KL: variants seen among roughly 807,000 people sequenced by gnomAD.
KL encodes alpha-klotho.
A neutral mutation model predicts 84.2 loss-of-function variants in KL; 62 were observed. The ratio of observed to expected loss-of-function variants is 0.74; its 90% CI spans 0.60 to 0.91. The LOEUF (loss-of-function observed/expected upper bound fraction) is 0.91. KL is among the 40% of genes least tolerant of loss of function. KL has a pLI of 0.00. For synonymous variants in KL, 528 were observed against 528.0 expected (o/e 1.00, Z 0.00); for missense variants, 1,261 against 1,305.7 (o/e 0.97, Z 0.53).
At position 33,017,005 on chromosome 13, in the gene KL, G is replaced by A; in HGVS notation, c.565G>A (p.Val189Ile). The change falls in exon 1 of 5, where the codon GTC becomes ATC. Residue 189 changes from valine (V) to isoleucine (I), a missense_variant. By Grantham distance (29) the Val-to-Ile change is conservative. Coordinates refer to ENST00000380099, the MANE Select transcript of KL (RefSeq NM_004795.4). ...GCGGGAGCTGGGCGTGCAGCCCGTG[G>A]TCACCCTGTACCACTGGGACCTGCC... ...RLRELGVQPVVTLYHWDLPQR... is the reference protein window; with the variant it reads ...RLRELGVQPVITLYHWDLPQR... 6.3e-7 allele frequency: 1 copy of A among 1,594,182 alleles called. No homozygotes were observed. Among genetic ancestry groups the A allele is most frequent in the Non-Finnish European group, 8.5e-7 (1 of 1,174,008 alleles).
chr13:33,051,262 G>A (rs1200672876), intron 1 of KL, among the ~76,000 whole-genome samples: 6 of 152,146 alleles, frequency 3.9e-5, no homozygotes, highest in Admixed American at 6.5e-5. Flanking sequence ...GGCCAGGTGC[G>A]GTGGCTCATG....
intron 1 of KL, among the ~76,000 whole-genome samples, chr13:33,019,212 G>A (rs191968965): frequency 6.6e-6 from 1 of 151,518 alleles, no homozygotes; most frequent in East Asian, 2.0e-4. Context: ...ATTTAGAAGC[G>A]AGTTCCCATT....
intron 1 of KL, among the ~76,000 whole-genome samples, chr13:33,026,250 C>A (rs1360214490): frequency 1.3e-5 from 2 of 152,092 alleles, no homozygotes; most frequent in African/African-American, 4.8e-5. Context: ...ACTGGATTTG[C>A]CCAGCCAAAC....
Position 33,061,286 on chromosome 13 carries a change from A to G in KL, c.2207A>G (p.Glu736Gly), listed in dbSNP as rs374838873. Residue 736 changes from glutamate (E) to glycine (G), a missense_variant, in exon 4 of 5, where the codon GAA becomes GGA. Coordinates refer to ENST00000380099, the MANE Select transcript of KL (RefSeq NM_004795.4). ...ATAGCCTTGCAGGCTGATTGGATAG[A>G]ACCTGCCTGCCCTTTCTCCCAAAAG... ...ISIALQADWIEPACPFSQKDK... is the reference protein window; with the variant it reads ...ISIALQADWIGPACPFSQKDK... 22 of 1,614,124 alleles carry G rather than the reference A, an allele frequency of 1.4e-5. No homozygotes were observed. The African/African-American group carries it at 2.9e-4, about 22-fold the overall frequency.
intron 1 of KL, among the ~76,000 whole-genome samples, chr13:33,027,337 C>G (rs754007004): frequency 2.0e-5 from 3 of 152,156 alleles, no homozygotes; most frequent in Non-Finnish European, 4.4e-5. Context: ...AGTGCTATCT[C>G]TTACTAGGGA....
rs374266144 is a variant in KL, at chr13:33,053,853, G to A, written c.906G>A (p.Trp302Ter). The change falls in exon 2 of 5, where the codon TGG (tryptophan) becomes TGA (stop). Residue 302 changes from tryptophan to a stop codon, truncating the protein, a stop_gained. Transcript: ENST00000380099. LOFTEE classifies it high-confidence loss of function. ...GQVSIALSSH[W>*]INPRRMTDHS... ...TGTCCATTGCCCTAAGCTCTCACTG[G>A]ATCAATCCTCGAAGAATGACCGACC... The A allele has an allele frequency of 7.4e-5, 120 of 1,613,942 alleles. No individual in the cohort carries two copies. Among genetic ancestry groups the A allele is most frequent in the Non-Finnish European group, 1.0e-4 (118 of 1,180,028 alleles).
intron 1 of KL, among the ~76,000 whole-genome samples, chr13:33,047,753 G>T (rs1298251157): frequency 1.3e-5 from 2 of 152,092 alleles, no homozygotes; most frequent in East Asian, 3.8e-4. Flanking sequence ...TTTGTTCCAT[G>T]TGTTTTTTGT....
At chr13:33,023,783 C>T (rs1870657272) in intron 1 of KL, among the ~76,000 whole-genome samples, 1 of 152,148 alleles carries the variant, frequency 6.6e-6, no homozygotes, top group African/African-American at 2.4e-5. Flanking sequence ...AAACTGAAAG[C>T]AGTGATGTAC....
At chr13:33,053,357 T>C (rs1038488071) in intron 1 of KL, among the ~76,000 whole-genome samples, 2 of 152,208 alleles carry the variant, frequency 1.3e-5, no homozygotes, top group Non-Finnish European at 2.9e-5. Context: ...AAAAATATAA[T>C]CCTATTTAGA....
chr13:33,049,710 T>C (rs1028564399), intron 1 of KL, among the ~76,000 whole-genome samples: 6 of 152,156 alleles, frequency 3.9e-5, no homozygotes, highest in Non-Finnish European at 7.4e-5. Flanking sequence ...GCAGAGACCA[T>C]AGGGCAAGTT....
At chr13:33,021,534 A>G (rs909813246) in intron 1 of KL, among the ~76,000 whole-genome samples, 17 of 152,218 alleles carry the variant, frequency 1.1e-4, no homozygotes, top group African/African-American at 4.1e-4. Flanking sequence ...ATATATGCTC[A>G]AATTACATAT....
intron 1 of KL, among the ~76,000 whole-genome samples, chr13:33,023,412 T>C (rs1354073362): frequency 6.6e-6 from 1 of 152,234 alleles, no homozygotes; most frequent in Non-Finnish European, 1.5e-5. Context: ...CCTCTTGAGC[T>C]GTTTAGAAGG....
At chr13:33,037,770 AG>A (rs1871193179) in intron 1 of KL, among the ~76,000 whole-genome samples, 1 of 152,088 alleles carries the variant, frequency 6.6e-6, no homozygotes, top group Non-Finnish European at 1.5e-5. Context: ...AGTACACTGG[AG>A]GATGAGACAT....
intron 1 of KL, among the ~76,000 whole-genome samples, chr13:33,050,395 T>C (rs1252557463): frequency 6.6e-6 from 1 of 152,202 alleles, no homozygotes; most frequent in Admixed American, 6.5e-5. Context: ...TCATAATATT[T>C]AATCTGTCAA....
Position 33,044,640 on chromosome 13 carries a change from C to CTTTTTTTTTTTTT in KL, c.820-9111_820-9099dup, listed in dbSNP as rs71071071. ...TTCATATATAAATGCAATTGATTTT[C>CTTTTTTTTTTTTT]TTTTTTTTTTTTTTTTTTTTTTTTT... On this transcript the variant is annotated intron_variant, in intron 1 of 4. Coordinates refer to ENST00000380099, the MANE Select transcript of KL (RefSeq NM_004795.4). Among the ~76,000 whole-genome samples, 87 of 52,754 alleles carry CTTTTTTTTTTTTT rather than the reference C, an allele frequency of 1.6e-3. 26 individuals carry two copies. Among genetic ancestry groups the CTTTTTTTTTTTTT allele is most frequent in the South Asian group, 5.2e-3 (6 of 1,152 alleles). 34.6% of individuals were successfully genotyped at this position (52,754 alleles called of 152,430 possible). A position where few individuals can be genotyped will look rare whatever the true frequency, so the allele number is the denominator to read the frequency against.
chr13:33,045,175 C>A (rs1163836235), intron 1 of KL, among the ~76,000 whole-genome samples: 1 of 152,188 alleles, frequency 6.6e-6, no homozygotes, highest in African/African-American at 2.4e-5. Flanking sequence ...TACAGAAATA[C>A]AACTGACTAT....
chr13:33,039,754 A>G (rs1389684967), intron 1 of KL, among the ~76,000 whole-genome samples: 5 of 152,200 alleles, frequency 3.3e-5, no homozygotes, highest in Non-Finnish European at 4.4e-5. Flanking sequence ...GTAGAATGCA[A>G]CTTCAGGGCT....
intron 3 of KL, among the ~76,000 whole-genome samples, chr13:33,057,288 G>C (rs1369869264): frequency 6.6e-6 from 1 of 152,170 alleles, no homozygotes; most frequent in Admixed American, 6.5e-5. Flanking sequence ...AAGAGTGGGG[G>C]TGTCGGAGGG....
rs373955636 is a variant in KL, at chr13:33,064,218, A to G, written c.*32A>G. On this transcript the variant is annotated 3_prime_UTR_variant, in exon 5 of 5. Transcript: ENST00000380099. ...ACATTTTTCTATTCATTCATTTTGA[A>G]ATAATTATGCAGACACATCAGCTGT... The G allele has an allele frequency of 1.1e-3, 1,568 of 1,489,110 alleles. 4 individuals are homozygous for G. Among genetic ancestry groups the G allele is most frequent in the Middle Eastern group, 5.5e-3 (27 of 4,898 alleles). The allele number at this position is 1,489,110 out of a possible 1,614,324, so 92.2% of individuals were successfully genotyped here. A position where few individuals can be genotyped will look rare whatever the true frequency, so the allele number is the denominator to read the frequency against.
Sources: gnomAD v4.1 joint callset for allele counts (sites outside exome capture counted in the v4.1 genomes callset) on GRCh38, gnomAD v4.1.1 for gene constraint, MANE v1.5 for transcripts, NCBI Gene and HGNC (gene_info 2026-07-23, HGNC 2026-07-21) for gene names.